The following CCDC148 variants were observed in gnomAD, a reference collection of about 807,000 sequenced individuals.
CCDC148 encodes coiled-coil domain containing 148, also known as coiled-coil domain-containing protein 148.
A neutral mutation model predicts 85.7 loss-of-function variants in CCDC148; 89 were observed. The observed-to-expected ratio is 1.04, with a 90% confidence interval of 0.87 to 1.24. The LOEUF (loss-of-function observed/expected upper bound fraction) is 1.24. Ranked by LOEUF, CCDC148 falls within the 50% of genes most tolerant of loss-of-function variation. CCDC148 has a pLI of 0.00. For missense variants in CCDC148, 692 were observed against 671.7 expected, an observed-to-expected ratio of 1.03 and a Z score of -0.33; for synonymous variants, 230 against 213.9, an observed-to-expected ratio of 1.08 and a Z score of -0.66.
chr2:158,175,415 G>A (rs1684530940), intron 13 of CCDC148, among the ~76,000 whole-genome samples: 1 of 152,018 alleles, frequency 6.6e-6, no homozygotes. Flanking sequence ...ATAGGGCTCA[G>A]AAGTTTCCTC....
At chr2:158,246,249 T>G (rs1688565437) in intron 10 of CCDC148, among the ~76,000 whole-genome samples, 1 of 152,160 alleles carries the variant, frequency 6.6e-6, no homozygotes. Flanking sequence ...GCAACACCTC[T>G]CATGACAGCA....
intron 11 of CCDC148, among the ~76,000 whole-genome samples, chr2:158,181,509 G>T (rs1684902070): frequency 6.6e-6 from 1 of 152,250 alleles, no homozygotes; most frequent in South Asian, 2.1e-4. Context: ...GGCAGCTTGT[G>T]CTCTGATGGG....
chr2:158,417,704 T>C (rs1686565820), intron 1 of CCDC148, among the ~76,000 whole-genome samples: 1 of 152,172 alleles, frequency 6.6e-6, no homozygotes, highest in Non-Finnish European at 1.5e-5. Flanking sequence ...CACTCCCCCA[T>C]AAATTAAGCT....
chr2:158,331,364 C>G (rs1483263931), intron 7 of CCDC148, among the ~76,000 whole-genome samples: 3 of 152,146 alleles, frequency 2.0e-5, no homozygotes, highest in East Asian at 1.9e-4. Flanking sequence ...GCACTGTGGT[C>G]TGAGAGATAG....
At chr2:158,274,038 T>A (rs1201478180) in intron 9 of CCDC148, among the ~76,000 whole-genome samples, 1 of 152,130 alleles carries the variant, frequency 6.6e-6, no homozygotes, top group Non-Finnish European at 1.5e-5. Flanking sequence ...TACTCCAACA[T>A]ATAGATGACC....
At chr2:158,444,114 C>T (rs1227792858) in intron 1 of CCDC148, among the ~76,000 whole-genome samples, 1 of 152,110 alleles carries the variant, frequency 6.6e-6, no homozygotes, top group Non-Finnish European at 1.5e-5. Flanking sequence ...CATAACTGCA[C>T]ATTTTTTTCT....
chr2:158,232,806 T>C (rs948593458), intron 10 of CCDC148, among the ~76,000 whole-genome samples: 7 of 152,154 alleles, frequency 4.6e-5, no homozygotes, highest in African/African-American at 1.4e-4. Flanking sequence ...AATTAGATAG[T>C]TCCTTGCATC....
chr2:158,329,797 T>C (rs1318016768), intron 7 of CCDC148, among the ~76,000 whole-genome samples: 1 of 152,206 alleles, frequency 6.6e-6, no homozygotes, highest in Non-Finnish European at 1.5e-5. Context: ...TACTCATGAT[T>C]TGGTTCTCTG....
At chr2:158,321,118 C>A (rs947946957) in intron 7 of CCDC148, among the ~76,000 whole-genome samples, 1 of 151,902 alleles carries the variant, frequency 6.6e-6, no homozygotes, top group Non-Finnish European at 1.5e-5. Flanking sequence ...ATGTTTTATT[C>A]CCACGACAAA....
intron 11 of CCDC148, among the ~76,000 whole-genome samples, chr2:158,189,179 A>C (rs1256853936): frequency 6.6e-6 from 1 of 151,918 alleles, no homozygotes; most frequent in Admixed American, 6.6e-5. Context: ...CTGAGTAAAG[A>C]GTCAGAAAGA....
intron 1 of CCDC148, among the ~76,000 whole-genome samples, chr2:158,401,301 A>C: frequency 6.6e-6 from 1 of 152,216 alleles, no homozygotes; most frequent in East Asian, 1.9e-4. Flanking sequence ...GAACCAACCC[A>C]AATGTCCATC....
At chr2:158,298,067 C>T (rs1469927704) in intron 9 of CCDC148, among the ~76,000 whole-genome samples, 3 of 152,172 alleles carry the variant, frequency 2.0e-5, no homozygotes, top group Non-Finnish European at 4.4e-5. Flanking sequence ...TCCTTCTTCA[C>T]ATGGTATCAG....
At chr2:158,185,705 C>A (rs981927496) in intron 11 of CCDC148, among the ~76,000 whole-genome samples, 2 of 152,106 alleles carry the variant, frequency 1.3e-5, no homozygotes, top group African/African-American at 4.8e-5. Flanking sequence ...ATCCAAAAAA[C>A]TATTTCTGCC....
intron 2 of CCDC148, among the ~76,000 whole-genome samples, chr2:158,346,966 AAG>A (rs1248484946): frequency 6.6e-6 from 1 of 152,186 alleles, no homozygotes; most frequent in African/African-American, 2.4e-5. Context: ...CTAAGAAGGT[AAG>A]AGTGTTACAA....
intron 7 of CCDC148, among the ~76,000 whole-genome samples, chr2:158,333,614 G>A (rs1351262871): frequency 4.6e-5 from 7 of 152,046 alleles, no homozygotes; most frequent in African/African-American, 1.7e-4. Context: ...ATTGACAGTG[G>A]GGTGTTAAAG....
Position 158,171,243 on chromosome 2 carries a change from T to C in CCDC148, c.*870A>G, listed in dbSNP as rs1471268502. The C allele has an allele frequency of 6.6e-6, 1 of 151,844 alleles. No homozygotes were observed. The highest frequency in any genetic ancestry group is 1.5e-5 in the Non-Finnish European group (1 of 67,906). The allele number at this position is 151,844 out of a possible 1,614,324, so 9.4% of individuals were successfully genotyped here. A position where few individuals can be genotyped will look rare whatever the true frequency, so the allele number is the denominator to read the frequency against. ...ACCCCTGGGAGGTAGGTGGGAAATG[T>C]CAGGGAGCTGCAATAGACAGAAAAA... is the stretch of plus-strand genomic sequence containing the variant. On this transcript the variant is annotated 3_prime_UTR_variant, in exon 14 of 14. Coordinates refer to ENST00000283233, the MANE Select transcript of CCDC148 (RefSeq NM_138803.4).
intron 10 of CCDC148, among the ~76,000 whole-genome samples, chr2:158,241,072 G>A (rs1688331698): frequency 6.6e-6 from 1 of 152,128 alleles, no homozygotes; most frequent in African/African-American, 2.4e-5. Context: ...TGAGAACAAA[G>A]GCACTCTCCT....
intron 1 of CCDC148, among the ~76,000 whole-genome samples, chr2:158,380,625 A>T (rs1684831193): frequency 1.3e-5 from 2 of 152,324 alleles, no homozygotes; most frequent in African/African-American, 2.4e-5. Flanking sequence ...AAGCTGGTTT[A>T]AAAATATGTA....
chr2:158,207,714 C>T (rs1025341041), intron 11 of CCDC148: 4 of 152,032 alleles, frequency 2.6e-5, no homozygotes, highest in Non-Finnish European at 4.4e-5. Flanking sequence ...CAAGGAATTC[C>T]TAGGACACCT....
Sources: gnomAD v4.1 joint callset for allele counts (sites outside exome capture counted in the v4.1 genomes callset) on GRCh38, gnomAD v4.1.1 for gene constraint, MANE v1.5 for transcripts, NCBI Gene and HGNC (gene_info 2026-07-23, HGNC 2026-07-21) for gene names.